NEMP2: variants seen among roughly 807,000 people sequenced by gnomAD.
The protein encoded by NEMP2 is UPF0571 transmembrane protein.
NEMP2 carries 53 observed loss-of-function variants against 54.2 expected under a neutral mutation model. That is an observed-to-expected ratio of 0.98 (90% confidence interval 0.78 to 1.23). NEMP2 has a LOEUF of 1.23. Ranked by LOEUF, NEMP2 falls within the 50% of genes most tolerant of loss-of-function variation. The pLI is 0.00. For missense variants in NEMP2, 455 were observed against 511.3 expected (o/e 0.89, Z 1.06); for synonymous variants, 197 against 190.3 (o/e 1.04, Z -0.29).
At chr2:190,561,908 T>A in the NEMP2 span, among the ~76,000 whole-genome samples, 1 of 152,226 alleles carries the variant, frequency 6.6e-6, no homozygotes, top group African/African-American at 2.4e-5. This position sits in a 1 kb window ranked among gnomAD's most constrained non-coding sequence, Gnocchi z 5.4. Flanking sequence ...TACCAACTTT[T>A]AAAATTTTTT....
At chr2:190,498,213 T>G in the NEMP2 span, among the ~76,000 whole-genome samples, 2 of 152,182 alleles carry the variant, frequency 1.3e-5, no homozygotes, top group African/African-American at 4.8e-5. This position sits in a 1 kb window ranked among gnomAD's most constrained non-coding sequence, Gnocchi z 5.9. Flanking sequence ...ATTTTTCTTG[T>G]CCCCAGAGGA....
chr2:190,450,488 C>CTTTTTTTTT, the NEMP2 span, among the ~76,000 whole-genome samples: 43 of 97,254 alleles, frequency 4.4e-4, 1 homozygote, highest in South Asian at 7.9e-4. Context: ...TCTCTTTTTC[C>CTTTTTTTTT]TTTTTTTTTT....
rs1320787590 is a variant in NEMP2 at position 190,523,264 on chromosome 2, A to T, written c.213+1999T>A. 2.0e-5 allele frequency among the ~76,000 whole-genome samples: 3 copies of T among 152,164 alleles called. No homozygotes were observed. The highest frequency in any genetic ancestry group is 2.9e-5 in the Non-Finnish European group (2 of 68,028). ...ATACACAACCTCCGAAAAAGATTTT[A>T]AAAAAACACTATAAATAAATATTGA... On this transcript the variant is annotated intron_variant, in intron 2 of 8. Coordinates refer to ENST00000409150, the MANE Select transcript of NEMP2 (RefSeq NM_001142645.2). This position sits in a 1 kb window ranked among gnomAD's most constrained non-coding sequence, Gnocchi z 5.3.
the NEMP2 span, among the ~76,000 whole-genome samples, chr2:190,578,687 G>T: frequency 2.6e-5 from 4 of 152,084 alleles, no homozygotes; most frequent in Non-Finnish European, 5.9e-5. The surrounding 1 kb of genome is among the most constrained non-coding windows in gnomAD (Gnocchi z 4.4). Flanking sequence ...GTGGGGGCAT[G>T]TGTGTGTGCA....
the NEMP2 span, among the ~76,000 whole-genome samples, chr2:190,595,565 AC>A: frequency 4.6e-5 from 7 of 152,230 alleles, no homozygotes; most frequent in African/African-American, 1.7e-4. This position sits in a 1 kb window ranked among gnomAD's most constrained non-coding sequence, Gnocchi z 4.0. Flanking sequence ...CAAGAAAAAA[AC>A]AACCCCATCA....
In NEMP2 at chr2:190,533,723, G is replaced by C. The variant is rs1224891508; in HGVS notation, c.97+836C>G. ...ACCAGGGTAGCCAAAGCAAGGAAGGGAAGTTGGTAGACAGTGCACCCAGGA... is the reference window on the plus strand; with the variant it reads ...ACCAGGGTAGCCAAAGCAAGGAAGGCAAGTTGGTAGACAGTGCACCCAGGA... On this transcript the variant is annotated intron_variant, in intron 1 of 8. Transcript: ENST00000409150. The surrounding 1 kb of genome is among the most constrained non-coding windows in gnomAD (Gnocchi z 4.3). Among the ~76,000 whole-genome samples the C allele has an allele frequency of 6.6e-6, 1 of 152,082 alleles. No homozygotes were observed. The highest frequency in any genetic ancestry group is 2.4e-5 in the African/African-American group (1 of 41,406).
At chr2:190,487,186 C>T in the NEMP2 span, among the ~76,000 whole-genome samples, 1 of 151,144 alleles carries the variant, frequency 6.6e-6, no homozygotes, top group African/African-American at 2.4e-5. This position sits in a 1 kb window ranked among gnomAD's most constrained non-coding sequence, Gnocchi z 5.5. Flanking sequence ...ACTAAAAATA[C>T]AAAAATTAGC....
the NEMP2 span, among the ~76,000 whole-genome samples, chr2:190,600,212 T>C: frequency 2.6e-5 from 4 of 152,180 alleles, no homozygotes; most frequent in South Asian, 8.3e-4. This position sits in a 1 kb window ranked among gnomAD's most constrained non-coding sequence, Gnocchi z 4.9. Flanking sequence ...TCCTGTTGTT[T>C]CTAACTCTCA....
chr2:190,603,821 T>C, the NEMP2 span, among the ~76,000 whole-genome samples: 1 of 151,882 alleles, frequency 6.6e-6, no homozygotes, highest in Non-Finnish European at 1.5e-5. Context: ...CTGTCAAATA[T>C]TGGAAACCAA....
the NEMP2 span, among the ~76,000 whole-genome samples, chr2:190,545,415 G>A: frequency 3.3e-5 from 5 of 152,224 alleles, no homozygotes; most frequent in African/African-American, 1.2e-4. Flanking sequence ...GAGAAGATGA[G>A]TTATATTTCA....
the NEMP2 span, among the ~76,000 whole-genome samples, chr2:190,490,097 GTT>G: frequency 0.23 from 34,200 of 151,854 alleles, 4,923 homozygotes; most frequent in South Asian, 0.33. The surrounding 1 kb of genome is among the most constrained non-coding windows in gnomAD (Gnocchi z 4.5). Context: ...TTGTTTGTTT[GTT>G]TTCTTTTATA....
At position 190,530,731 on chromosome 2, in the gene NEMP2, G is replaced by C. The variant is rs1262342587; in HGVS notation, c.97+3828C>G. On this transcript the variant is annotated intron_variant, in intron 1 of 8. Coordinates refer to ENST00000409150, the MANE Select transcript of NEMP2 (RefSeq NM_001142645.2). The surrounding 1 kb of genome is among the most constrained non-coding windows in gnomAD (Gnocchi z 4.6). ...GACTGCTTATTTGAACTCTATGGCT[G>C]ATTATGCCCTGACACTGAAGGCTAT... is the stretch of plus-strand genomic sequence containing the variant. Among the ~76,000 whole-genome samples the C allele has an allele frequency of 6.6e-6, 1 of 152,228 alleles. No homozygotes were observed. Among genetic ancestry groups the C allele is most frequent in the East Asian group, 1.9e-4 (1 of 5,204 alleles).
the NEMP2 span, among the ~76,000 whole-genome samples, chr2:190,604,772 C>T: frequency 3.9e-5 from 6 of 152,014 alleles, no homozygotes; most frequent in African/African-American, 1.4e-4. The surrounding 1 kb of genome is among the most constrained non-coding windows in gnomAD (Gnocchi z 4.5). Context: ...TGTTATTCAG[C>T]TCTCTCCCTA....
chr2:190,644,691 T>TGATAA, the NEMP2 span, among the ~76,000 whole-genome samples: 2 of 151,512 alleles, frequency 1.3e-5, no homozygotes, highest in African/African-American at 4.9e-5. This position sits in a 1 kb window ranked among gnomAD's most constrained non-coding sequence, Gnocchi z 4.4. Flanking sequence ...GGGAGCTAAA[T>TGATAA]GATAAGAACT....
At position 190,528,182 on chromosome 2, in the gene NEMP2, A is replaced by T. The variant is rs1424578317; in HGVS notation, c.98-2804T>A. Among the ~76,000 whole-genome samples the T allele has an allele frequency of 6.6e-6, 1 of 152,228 alleles. No individual in the cohort carries two copies. Among genetic ancestry groups the T allele is most frequent in the Admixed American group, 6.5e-5 (1 of 15,286 alleles). On this transcript the variant is annotated intron_variant, in intron 1 of 8. Transcript: ENST00000409150. The surrounding 1 kb of genome is among the most constrained non-coding windows in gnomAD (Gnocchi z 4.3). ...TCTGGCCAAGGGCAGCATAGGGGGA[A>T]GTGCAGTCCCAGGGATATCAAAGGG...
the NEMP2 span, among the ~76,000 whole-genome samples, chr2:190,541,258 G>C: frequency 6.6e-6 from 1 of 151,302 alleles, no homozygotes. This position sits in a 1 kb window ranked among gnomAD's most constrained non-coding sequence, Gnocchi z 5.2. Flanking sequence ...TACTAATTTG[G>C]GGTTTGGTTT....
chr2:190,500,032 G>A, downstream of NEMP2: 1 of 1,614,184 alleles, frequency 6.2e-7, no homozygotes, highest in Non-Finnish European at 8.5e-7. The surrounding 1 kb of genome is among the most constrained non-coding windows in gnomAD (Gnocchi z 5.3). Flanking sequence ...ATGAGAATAG[G>A]GAAAATTCTC....
At chr2:190,468,062 T>TA in the NEMP2 span, among the ~76,000 whole-genome samples, 1 of 152,234 alleles carries the variant, frequency 6.6e-6, no homozygotes, top group Non-Finnish European at 1.5e-5. Context: ...TTGTTTAACT[T>TA]GTGTGTTCAT....
chr2:190,477,298 T>C, the NEMP2 span: 1 of 984,784 alleles, frequency 1.0e-6, no homozygotes, highest in African/African-American at 1.7e-5. Flanking sequence ...TTCCCACCTC[T>C]GGTTCCTGTT....
Sources: gnomAD v4.1 joint callset for allele counts (sites outside exome capture counted in the v4.1 genomes callset) on GRCh38, gnomAD v4.1.1 for gene constraint, Gnocchi (gnomAD v3.1) non-coding constraint, MANE v1.5 for transcripts, NCBI Gene and HGNC (gene_info 2026-07-23, HGNC 2026-07-21) for gene names.